The following RBFOX1 variants were observed in gnomAD, a reference collection of about 807,000 sequenced individuals.
The protein encoded by RBFOX1 is RNA binding fox-1 homolog 1.
RBFOX1 carries 8 observed loss-of-function variants against 57.7 expected under a neutral mutation model. That is an observed-to-expected ratio of 0.14 (90% confidence interval 0.08 to 0.25). The LOEUF (loss-of-function observed/expected upper bound fraction) is 0.25. RBFOX1 is among the 10% of genes least tolerant of loss of function. The pLI is 1.00. For missense variants in RBFOX1, 611 were observed against 548.5 expected (o/e 1.11, Z -1.14); for synonymous variants, 326 against 222.4 (o/e 1.47, Z -4.15).
In RBFOX1 at chr16:6,012,197, C is replaced by G. The variant is rs148130419; in HGVS notation, c.351+144862C>G. 2.6e-5 allele frequency among the ~76,000 whole-genome samples: 4 copies of G among 152,314 alleles called. No individual in the cohort carries two copies. The East Asian group carries it at 7.7e-4, about 29-fold the overall frequency. ...ACTGTGAGCAAATGTCTTCATTTCTCTAGACCTCATCTGTAGAATGAGGAT... is the reference window on the plus strand; with the variant it reads ...ACTGTGAGCAAATGTCTTCATTTCTGTAGACCTCATCTGTAGAATGAGGAT... On this transcript the variant is annotated intron_variant, in intron 4 of 19. Coordinates refer to the RBFOX1 transcript ENST00000641259.
At chr16:7,702,552 T>C (rs1272092238) in intron 14 of RBFOX1, among the ~76,000 whole-genome samples, 1 of 152,218 alleles carries the variant, frequency 6.6e-6, no homozygotes, top group African/African-American at 2.4e-5. Context: ...GATTCATTTA[T>C]TTCTAGTTGG....
At chr16:5,856,253 A>T (rs56291913) in intron 3 of RBFOX1, among the ~76,000 whole-genome samples, 3 of 70,012 alleles carry the variant, frequency 4.3e-5, no homozygotes, top group Non-Finnish European at 5.1e-5. Context: ...ATATATATGT[A>T]TATATATGTA....
intron 3 of RBFOX1, among the ~76,000 whole-genome samples, chr16:6,973,419 A>C (rs192418154): frequency 1.8e-3 from 271 of 152,326 alleles, no homozygotes; most frequent in African/African-American, 6.0e-3. Context: ...ATCAGGAAGC[A>C]TTCTTCCCAG....
chr16:6,490,056 C>T (rs78706731), intron 2 of RBFOX1, among the ~76,000 whole-genome samples: 5 of 152,160 alleles, frequency 3.3e-5, no homozygotes, highest in Non-Finnish European at 7.3e-5. Context: ...GATGTGAGTA[C>T]GTTGACTCCC....
chr16:7,386,557 A>G (rs1446584877), intron 4 of RBFOX1, among the ~76,000 whole-genome samples: 2 of 151,554 alleles, frequency 1.3e-5, no homozygotes, highest in African/African-American at 4.9e-5. Context: ...ACATGATCTC[A>G]TGTTTTTTTA....
At chr16:5,870,622 T>C (rs1485440038) in intron 4 of RBFOX1, among the ~76,000 whole-genome samples, 1 of 130,782 alleles carries the variant, frequency 7.6e-6, no homozygotes, top group Non-Finnish European at 1.7e-5. Flanking sequence ...TTTTTTAGTC[T>C]TTTTTTTTTC....
At chr16:5,830,675 T>A (rs59240274) in intron 3 of RBFOX1, among the ~76,000 whole-genome samples, 1 of 152,216 alleles carries the variant, frequency 6.6e-6, no homozygotes, top group Admixed American at 6.5e-5. Context: ...GATCAAATCA[T>A]GTCAGTGTGT....
intron 3 of RBFOX1, among the ~76,000 whole-genome samples, chr16:6,741,973 C>T (rs2072302228): frequency 6.6e-6 from 1 of 152,044 alleles, no homozygotes; most frequent in Non-Finnish European, 1.5e-5. Context: ...AAATCATTAA[C>T]AGAGTAGATT....
intron 4 of RBFOX1, among the ~76,000 whole-genome samples, chr16:7,264,060 C>G (rs1049422949): frequency 6.6e-6 from 1 of 152,048 alleles, no homozygotes; most frequent in Non-Finnish European, 1.5e-5. Flanking sequence ...TTGCTTTTAG[C>G]ATTTTGTCAT....
intron 3 of RBFOX1, among the ~76,000 whole-genome samples, chr16:6,668,195 C>A (rs2098744244): frequency 6.6e-6 from 1 of 152,144 alleles, no homozygotes; most frequent in Non-Finnish European, 1.5e-5. Context: ...CAGATTGAAT[C>A]TCTGGTGTCA....
At chr16:6,246,806 C>T (rs1395865130) in intron 1 of RBFOX1, among the ~76,000 whole-genome samples, 4 of 152,146 alleles carry the variant, frequency 2.6e-5, no homozygotes, top group African/African-American at 7.2e-5. Context: ...TTGTGGCTCA[C>T]GCCTATAATC....
At chr16:6,814,255 G>GT (rs147529062) in intron 3 of RBFOX1, among the ~76,000 whole-genome samples, 8 of 140,944 alleles carry the variant, frequency 5.7e-5, no homozygotes, top group African/African-American at 1.8e-4. Flanking sequence ...TGTGGTGGGG[G>GT]GGAGGGAGGA....
chr16:5,701,172 C>T (rs2051033945), intron 3 of RBFOX1, among the ~76,000 whole-genome samples: 1 of 152,318 alleles, frequency 6.6e-6, no homozygotes, highest in South Asian at 2.1e-4. Flanking sequence ...TGATCTGTTT[C>T]TTGCATTGCA....
At chr16:7,631,016 T>C (rs185475988) in intron 11 of RBFOX1, among the ~76,000 whole-genome samples, 8 of 152,318 alleles carry the variant, frequency 5.3e-5, no homozygotes, top group East Asian at 1.9e-4. Flanking sequence ...TTAAATAGCA[T>C]ATACAGGCCA....
At chr16:5,941,832 G>A (rs1453092534) in intron 4 of RBFOX1, among the ~76,000 whole-genome samples, 2 of 151,976 alleles carry the variant, frequency 1.3e-5, no homozygotes, top group Non-Finnish European at 2.9e-5. Flanking sequence ...ATAGACAAGA[G>A]AGCCAGCGTT....
At chr16:7,057,996 A>C (rs1248296360) in intron 4 of RBFOX1, among the ~76,000 whole-genome samples, 2 of 93,604 alleles carry the variant, frequency 2.1e-5, no homozygotes, top group Non-Finnish European at 4.5e-5. Flanking sequence ...CGACAGAGGG[A>C]GACTGTGGGG....
intron 4 of RBFOX1, among the ~76,000 whole-genome samples, chr16:7,420,936 TATACAC>T (rs934658455): frequency 9.0e-5 from 13 of 144,302 alleles, no homozygotes; most frequent in Middle Eastern, 3.4e-3. Context: ...CACATATATA[TATACAC>T]ACACACACAC....
chr16:6,320,549 T>A (rs1047265308), intron 2 of RBFOX1, among the ~76,000 whole-genome samples: 1 of 152,114 alleles, frequency 6.6e-6, no homozygotes, highest in African/African-American at 2.4e-5. Flanking sequence ...ATATGAGACA[T>A]GTTAATGTAC....
chr16:6,439,310 T>C lies in RBFOX1; in HGVS notation c.-64+122253T>C, dbSNP rs150039821. On this transcript the variant is annotated intron_variant, in intron 2 of 15. Coordinates refer to ENST00000550418, the MANE Select transcript of RBFOX1 (RefSeq NM_018723.4). ...GGTATAATCAAACACCATCCACCCA[T>C]GTTAATGCAGATTGTCAGGACGGCC... is the stretch of plus-strand genomic sequence containing the variant. 5.9e-4 allele frequency among the ~76,000 whole-genome samples: 90 copies of C among 152,258 alleles called. 1 individual carries two copies. The highest frequency in any genetic ancestry group is 3.4e-3 in the Middle Eastern group (1 of 294).
Sources: gnomAD v4.1 joint callset for allele counts (sites outside exome capture counted in the v4.1 genomes callset) on GRCh38, gnomAD v4.1.1 for gene constraint, MANE v1.5 for transcripts, NCBI Gene and HGNC (gene_info 2026-07-23, HGNC 2026-07-21) for gene names.